The following ZNF675 variants were observed in gnomAD, a reference collection of about 807,000 sequenced individuals.
The protein encoded by ZNF675 is TRAF6 inhibitory zinc finger.
Under a neutral mutation model 56.1 loss-of-function variants are expected in ZNF675, and 36 were observed. The ratio of observed to expected loss-of-function variants is 0.64; its 90% CI spans 0.49 to 0.85. The LOEUF (loss-of-function observed/expected upper bound fraction) is 0.85. ZNF675 is among the 40% of genes least tolerant of loss of function. The pLI is 0.00. For synonymous variants in ZNF675, 200 were observed against 218.9 expected (o/e 0.91, Z 0.76); for missense variants, 663 against 654.2 (o/e 1.01, Z -0.15).
intron 3 of ZNF675, among the ~76,000 whole-genome samples, chr19:23,659,619 A>G (rs1402800499): frequency 6.6e-6 from 1 of 152,206 alleles, no homozygotes; most frequent in East Asian, 1.9e-4. Flanking sequence ...CCAAGATTTA[A>G]AAGTCTTCTT....
rs1167104549 is a variant in ZNF675 at position 23,654,409 on chromosome 19, T to A, written c.524A>T (p.Lys175Ile). Reference protein sequence around the residue: ...KHMENKPFKCKECGRSFCMLS... With the variant: ...KHMENKPFKCIECGRSFCMLS... ...CATGCAAAATGATCTGCCACATTCTTTACATTTGAAAGGTTTATTTTCCAT... is the reference window on the plus strand; with the variant it reads ...CATGCAAAATGATCTGCCACATTCTATACATTTGAAAGGTTTATTTTCCAT... The change falls in exon 4 of 4, where the codon AAA (lysine) becomes ATA (isoleucine). Residue 175 changes from lysine to isoleucine, a missense_variant. Coordinates refer to ENST00000359788, the MANE Select transcript of ZNF675 (RefSeq NM_138330.3). 6.2e-7 allele frequency: 1 copy of A among 1,610,946 alleles called. No individual in the cohort carries two copies. Among genetic ancestry groups the A allele is most frequent in the Non-Finnish European group, 8.5e-7 (1 of 1,178,196 alleles).
Position 23,687,171 on chromosome 19 carries a change from G to A in ZNF675, c.-138C>T. 9.3e-7 allele frequency: 1 copy of A among 1,074,738 alleles called. No individual in the cohort carries two copies. The highest frequency in any genetic ancestry group is 1.4e-6 in the Non-Finnish European group (1 of 716,164). The allele number at this position is 1,074,738 out of a possible 1,614,324, so 66.6% of individuals were successfully genotyped here. On this transcript the variant is annotated 5_prime_UTR_variant, in exon 1 of 4. Coordinates refer to ENST00000359788, the MANE Select transcript of ZNF675 (RefSeq NM_138330.3). ...CGAGACCTGGAGCTCCGGCTGCAGC[G>A]AGAGACAAAGGCGCCGCCAAATCCC...
intron 1 of ZNF675, among the ~76,000 whole-genome samples, chr19:23,685,015 C>G (rs951388923): frequency 2.0e-5 from 3 of 151,660 alleles, no homozygotes; most frequent in African/African-American, 4.8e-5. Context: ...CTTAGTTTTT[C>G]TTTTTTTGAG....
chr19:23,677,496 G>A (rs945739339), intron 1 of ZNF675, among the ~76,000 whole-genome samples: 8 of 150,988 alleles, frequency 5.3e-5, no homozygotes, highest in South Asian at 2.1e-4. Flanking sequence ...ACCTGAGGTC[G>A]GGAGTTGGAG....
intron 1 of ZNF675, among the ~76,000 whole-genome samples, chr19:23,677,188 A>C (rs754289630): frequency 4.0e-5 from 6 of 151,780 alleles, no homozygotes; most frequent in Non-Finnish European, 8.8e-5. Flanking sequence ...CTGGCTGAGC[A>C]ATCAGGCAAG....
In ZNF675 at chr19:23,675,033, A is replaced by C. The variant is rs1968278779; in HGVS notation, c.4-11875T>G. 1.3e-5 allele frequency among the ~76,000 whole-genome samples: 2 copies of C among 151,690 alleles called. 1 individual carries two copies. Among genetic ancestry groups the C allele is most frequent in the African/African-American group, 4.9e-5 (2 of 41,020 alleles). ...TCTAACTTAAATTTTCTCTTACAACAGCCAGGTCTCTGGATATGTTGAACT... is the reference window on the plus strand; with the variant it reads ...TCTAACTTAAATTTTCTCTTACAACCGCCAGGTCTCTGGATATGTTGAACT... On this transcript the variant is annotated intron_variant, in intron 1 of 3. Coordinates refer to ENST00000359788, the MANE Select transcript of ZNF675 (RefSeq NM_138330.3).
intron 1 of ZNF675, among the ~76,000 whole-genome samples, chr19:23,685,723 G>A (rs1202869012): frequency 6.6e-6 from 1 of 152,124 alleles, no homozygotes; most frequent in Non-Finnish European, 1.5e-5. Flanking sequence ...AGTATCTAAA[G>A]TGTACAATAA....
At chr19:23,667,661 T>C (rs1053576101) in intron 1 of ZNF675, among the ~76,000 whole-genome samples, 1 of 151,862 alleles carries the variant, frequency 6.6e-6, no homozygotes, top group African/African-American at 2.4e-5. Context: ...CCAGAGCAGC[T>C]AGATACAGAG....
At chr19:23,665,703 C>G (rs7248409) in intron 1 of ZNF675, among the ~76,000 whole-genome samples, 147,879 of 152,214 alleles carry the variant, frequency 0.97, 71,996 homozygotes, top group Middle Eastern at 1. Flanking sequence ...TTCACCATGT[C>G]GGTCAGGCTG....
intron 1 of ZNF675, among the ~76,000 whole-genome samples, chr19:23,676,843 G>A (rs1968301995): frequency 6.6e-6 from 1 of 151,616 alleles, no homozygotes; most frequent in Non-Finnish European, 1.5e-5. Context: ...GGGAGGCCGA[G>A]GTGGGTGGAT....
chr19:23,654,752 T>G (rs1204205729), intron 3 of ZNF675, 46 bp from the exon 4 acceptor site: 2 of 1,430,022 alleles, frequency 1.4e-6, no homozygotes, highest in East Asian at 4.6e-5. Context: ...CTCAGATAAA[T>G]ATACTTTCCA....
At chr19:23,654,812 G>A (rs1967960424) in intron 3 of ZNF675, 106 bp from the exon 4 acceptor site, 2 of 931,548 alleles carry the variant, frequency 2.1e-6, no homozygotes, top group African/African-American at 1.7e-5. Flanking sequence ...TGGCACCACA[G>A]GCCATAATTA....
intron 3 of ZNF675, among the ~76,000 whole-genome samples, chr19:23,658,139 T>C (rs1243939052): frequency 6.6e-6 from 1 of 151,898 alleles, no homozygotes; most frequent in Non-Finnish European, 1.5e-5. Flanking sequence ...GGCTGGCAGA[T>C]CACAAGTTCA....
intron 1 of ZNF675, among the ~76,000 whole-genome samples, chr19:23,678,651 G>A (rs947366261): frequency 2.0e-5 from 3 of 149,912 alleles, no homozygotes; most frequent in Non-Finnish European, 4.4e-5. Context: ...AAATAACAAA[G>A]CTGGAGGCAT....
At chr19:23,657,574 G>A (rs1260931861) in intron 3 of ZNF675, among the ~76,000 whole-genome samples, 2 of 152,094 alleles carry the variant, frequency 1.3e-5, no homozygotes, top group African/African-American at 4.8e-5. Flanking sequence ...AAAATTAGCT[G>A]GGCGTGGTGG....
In ZNF675 at chr19:23,653,627, A is replaced by G. The variant is rs369636917; in HGVS notation, c.1306T>C (p.Ser436Pro). Reference sequence around the variant, plus strand: ...TTCTTATGTTCAGTAAGTTTTGAGGATCGGTTAAAAGCTTTGCCACATTCT... The same window carrying G: ...TTCTTATGTTCAGTAAGTTTTGAGGGTCGGTTAAAAGCTTTGCCACATTCT... ...CEECGKAFNR[S>P]SKLTEHKKLH... Residue 436 changes from serine (S) to proline (P), a missense_variant, in exon 4 of 4, where the codon TCC becomes CCC. Around this residue, in one of 3 missense-constraint regions of ZNF675, gnomAD observed 617 missense variants for 590.5 expected, o/e 1.04. Coordinates refer to ENST00000359788, the MANE Select transcript of ZNF675 (RefSeq NM_138330.3). The G allele has an allele frequency of 5.6e-6, 9 of 1,612,604 alleles. No homozygotes were observed. In the African/African-American group the frequency reaches 1.2e-4, roughly 22 times the overall value.
chr19:23,677,702 G>C (rs1353700179), intron 1 of ZNF675, among the ~76,000 whole-genome samples: 1 of 23,578 alleles, frequency 4.2e-5, no homozygotes, highest in Non-Finnish European at 7.6e-5. Context: ...GTGAGACTCC[G>C]TCTCAAAAAA....
At chr19:23,685,260 G>A (rs930138288) in intron 1 of ZNF675, among the ~76,000 whole-genome samples, 1 of 152,114 alleles carries the variant, frequency 6.6e-6, no homozygotes, top group East Asian at 1.9e-4. Context: ...CACCGTGCAC[G>A]CAAGGGTTAG....
At position 23,654,274 on chromosome 19, in the gene ZNF675, C is replaced by A. The variant is rs1599406689; in HGVS notation, c.659G>T (p.Arg220Ile). 4 of 1,612,128 alleles carry A rather than the reference C, an allele frequency of 2.5e-6. No homozygotes were observed. The highest frequency in any genetic ancestry group is 3.4e-6 in the Non-Finnish European group (4 of 1,179,550). Residue 220 changes from arginine to isoleucine, a missense_variant, in exon 4 of 4, where the codon AGA (arginine) becomes ATA (isoleucine). Arg to Ile is a moderately conservative substitution (Grantham distance 97, BLOSUM62 -3). Coordinates refer to ENST00000359788, the MANE Select transcript of ZNF675 (RefSeq NM_138330.3). Reference protein sequence around the residue: ...NQSSKLTKHKRIYTCEKLYKC... With the variant: ...NQSSKLTKHKIIYTCEKLYKC... ...GTAGAGTTTCTCACAAGTATAAATT[C>A]TTTTATGTTTAGTAAGCTTTGAAGA...
Sources: gnomAD v4.1 joint callset for allele counts (sites outside exome capture counted in the v4.1 genomes callset) on GRCh38, gnomAD v4.1.1 for gene constraint, gnomAD v4.1.1 regional missense constraint, MANE v1.5 for transcripts, NCBI Gene and HGNC (gene_info 2026-07-23, HGNC 2026-07-21) for gene names.